SLCO2A1: variants seen among roughly 807,000 people sequenced by gnomAD.
SLCO2A1 encodes matrin F/G 1.
Under a neutral mutation model 71.7 loss-of-function variants are expected in SLCO2A1, and 60 were observed. The observed-to-expected ratio is 0.84, with a 90% CI of 0.68 to 1.04. The LOEUF is 1.04. Among genes scored for constraint, SLCO2A1 ranks in the 50% least tolerant of loss-of-function variants. The pLI is 0.00. For missense variants in SLCO2A1, 745 were observed against 813.4 expected (o/e 0.92, Z 1.02); for synonymous variants, 308 against 326.7 (o/e 0.94, Z 0.62).
chr3:133,998,313 T>C (rs544465455), intron 1 of SLCO2A1, among the ~76,000 whole-genome samples: 1 of 152,350 alleles, frequency 6.6e-6, no homozygotes, highest in East Asian at 1.9e-4. Flanking sequence ...TGCTCACTAT[T>C]TCCTTAATTC....
intron 1 of SLCO2A1, among the ~76,000 whole-genome samples, chr3:134,015,574 T>C (rs930925939): frequency 1.3e-5 from 2 of 152,060 alleles, no homozygotes; most frequent in South Asian, 2.1e-4. Context: ...TTCAAAACAA[T>C]AGTAAATTTC....
intron 1 of SLCO2A1, among the ~76,000 whole-genome samples, chr3:134,020,096 G>T (rs1935539619): frequency 6.6e-6 from 1 of 152,036 alleles, no homozygotes; most frequent in South Asian, 2.1e-4. Context: ...ATCCTGTTTT[G>T]TTCCGATCTA....
intron 4 of SLCO2A1, 70 bp downstream of exon 4, chr3:133,954,896 C>T: frequency 7.7e-7 from 1 of 1,290,460 alleles, no homozygotes; most frequent in South Asian, 1.3e-5. Context: ...GTTTAGTGCC[C>T]CAGGGCCTCA....
chr3:133,935,938 A>G (rs1424814530), intron 12 of SLCO2A1, 41 bp from the exon 13 acceptor site: 7 of 1,518,666 alleles, frequency 4.6e-6, no homozygotes, highest in African/African-American at 2.7e-5. Context: ...GTGGAACTGC[A>G]GGCAGAGGTG....
chr3:134,018,430 T>C (rs990486668), intron 1 of SLCO2A1, among the ~76,000 whole-genome samples: 4 of 152,188 alleles, frequency 2.6e-5, no homozygotes, highest in African/African-American at 9.7e-5. Context: ...GTGATGGACA[T>C]AGGCCAAGAC....
At chr3:134,008,810 A>G (rs1218284506) in intron 1 of SLCO2A1, among the ~76,000 whole-genome samples, 1 of 152,238 alleles carries the variant, frequency 6.6e-6, no homozygotes, top group East Asian at 1.9e-4. Context: ...CTTCCCAGAA[A>G]GGAAAAGGCT....
intron 8 of SLCO2A1, among the ~76,000 whole-genome samples, chr3:133,947,789 A>C (rs1933624020): frequency 6.6e-6 from 1 of 152,112 alleles, no homozygotes; most frequent in African/African-American, 2.4e-5. Flanking sequence ...AAGAGTGATG[A>C]CCCCTATGTA....
chr3:134,016,932 C>T (rs555943913), intron 1 of SLCO2A1, among the ~76,000 whole-genome samples: 1 of 152,336 alleles, frequency 6.6e-6, no homozygotes, highest in African/African-American at 2.4e-5. Context: ...AAGCCAATCT[C>T]AAAAGGTCAC....
At chr3:133,949,905 G>A (rs182720584) in intron 6 of SLCO2A1, among the ~76,000 whole-genome samples, 1 of 152,212 alleles carries the variant, frequency 6.6e-6, no homozygotes, top group East Asian at 1.9e-4. Flanking sequence ...ATAGCTCACT[G>A]CAGCCTCGAA....
intron 1 of SLCO2A1, among the ~76,000 whole-genome samples, chr3:134,014,158 A>T (rs1935394753): frequency 6.6e-6 from 1 of 152,158 alleles, no homozygotes; most frequent in Non-Finnish European, 1.5e-5. Flanking sequence ...TTCCTACAGG[A>T]TTCCAGTAGT....
Position 133,979,549 on chromosome 3 carries a change from G to A in SLCO2A1, c.166C>T (p.Leu56Phe). The change falls in exon 2 of 14, where the codon CTC (leucine) becomes TTC (phenylalanine). Residue 56 changes from leucine (L) to phenylalanine (F), a missense_variant. Leu to Phe is a conservative substitution (Grantham distance 22, BLOSUM62 0). Coordinates refer to ENST00000310926, the MANE Select transcript of SLCO2A1 (RefSeq NM_005630.3). The part of the protein sequence containing the change: ...LLYSAYFKSS[L>F]TTIEKRFGLS... ...CCAAAGCGCTTCTCAATGGTGGTGA[G>A]GCTGCTCTTGAAGTAGGCGCTGTAC... 1.9e-6 allele frequency: 3 copies of A among 1,614,142 alleles called. No homozygotes were observed. Among genetic ancestry groups the A allele is most frequent in the Non-Finnish European group, 2.5e-6 (3 of 1,179,996 alleles).
At chr3:133,979,035 C>T (rs1934522879) in intron 2 of SLCO2A1, among the ~76,000 whole-genome samples, 1 of 152,210 alleles carries the variant, frequency 6.6e-6, no homozygotes, top group Admixed American at 6.5e-5. Flanking sequence ...GACCCACCTG[C>T]ATGCCTGGGG....
chr3:133,940,835 T>C (rs1576425901), intron 11 of SLCO2A1, among the ~76,000 whole-genome samples: 1 of 152,198 alleles, frequency 6.6e-6, no homozygotes, highest in Non-Finnish European at 1.5e-5. Flanking sequence ...TGTTTTCCTG[T>C]GCCGTTTCTC....
At chr3:134,014,082 T>C (rs1935392703) in intron 1 of SLCO2A1, among the ~76,000 whole-genome samples, 1 of 152,190 alleles carries the variant, frequency 6.6e-6, no homozygotes, top group Admixed American at 6.5e-5. Context: ...GAGCAGTTTT[T>C]AGACATAAAC....
chr3:133,981,974 CAAAAAAAAA>C lies in SLCO2A1; in HGVS notation c.97-2365_97-2357del, dbSNP rs34863339. 9.3e-4 allele frequency among the ~76,000 whole-genome samples: 102 copies of C among 109,816 alleles called. 1 individual carries two copies. The highest frequency in any genetic ancestry group is 2.6e-4 in the Non-Finnish European group (14 of 54,372). The allele number at this position is 109,816 out of a possible 152,430, so 72.0% of individuals were successfully genotyped here. The stretch of plus-strand genomic sequence containing the variant: ...TGGGCGACAGAGCGAGACTCCGTCT[CAAAAAAAAA>C]AAAAAAAAAAACAAAACAAGAAAAA... On this transcript the variant is annotated intron_variant, in intron 1 of 13. Transcript: ENST00000310926.
At chr3:133,999,842 A>AG (rs1371787829) in intron 1 of SLCO2A1, among the ~76,000 whole-genome samples, 1 of 152,228 alleles carries the variant, frequency 6.6e-6, no homozygotes, top group Non-Finnish European at 1.5e-5. Flanking sequence ...AGTCAGAAAA[A>AG]GGGTTGGTAC....
chr3:133,976,734 T>C (rs913800863), intron 2 of SLCO2A1, among the ~76,000 whole-genome samples: 1 of 152,168 alleles, frequency 6.6e-6, no homozygotes, highest in Admixed American at 6.5e-5. Flanking sequence ...CATCATGACA[T>C]GCCCCTGCCC....
At chr3:133,994,388 T>A (rs975537547) in intron 1 of SLCO2A1, among the ~76,000 whole-genome samples, 1 of 152,168 alleles carries the variant, frequency 6.6e-6, no homozygotes, top group Admixed American at 6.5e-5. Flanking sequence ...ACCGAATTGT[T>A]TTTACCAAGA....
At chr3:133,993,716 G>T (rs1426059731) in intron 1 of SLCO2A1, among the ~76,000 whole-genome samples, 1 of 152,090 alleles carries the variant, frequency 6.6e-6, no homozygotes, top group East Asian at 1.9e-4. Flanking sequence ...GCAGTAATTT[G>T]TTAGGTTGAA....
Sources: allele counts gnomAD v4.1 joint callset (sites outside exome capture counted in the v4.1 genomes callset), GRCh38; gene constraint gnomAD v4.1.1; transcripts MANE v1.5; gene names NCBI Gene and HGNC (gene_info 2026-07-23, HGNC 2026-07-21).